ATP8A2: variants seen among roughly 807,000 people sequenced by gnomAD.
ATP8A2 encodes the protein ATPase phospholipid transporting 8A2.
Under a neutral mutation model 165.6 loss-of-function variants are expected in ATP8A2, and 100 were observed. The observed-to-expected ratio is 0.60, with a 90% confidence interval of 0.51 to 0.71. ATP8A2 has a LOEUF of 0.71. Among genes scored for constraint, ATP8A2 ranks in the 30% least tolerant of loss-of-function variants. The pLI is 0.00. For missense variants in ATP8A2, 1,227 were observed against 1,479.5 expected, an observed-to-expected ratio of 0.83 and a Z score of 2.80; for synonymous variants, 543 against 548.8, an observed-to-expected ratio of 0.99 and a Z score of 0.15.
intron 24 of ATP8A2, among the ~76,000 whole-genome samples, chr13:25,619,108 A>G (rs2040903403): frequency 6.6e-6 from 1 of 152,140 alleles, no homozygotes; most frequent in Non-Finnish European, 1.5e-5. Flanking sequence ...GAGAGCAGGA[A>G]CTCAGAGAGG....
intron 35 of ATP8A2, 137 bp downstream of exon 35, chr13:25,968,816 C>G (rs1052795734): frequency 2.9e-6 from 2 of 679,372 alleles, no homozygotes; most frequent in Non-Finnish European, 5.1e-6. Context: ...TTTGGTTATT[C>G]TCAGATTTAA....
intron 25 of ATP8A2, among the ~76,000 whole-genome samples, chr13:25,725,096 ATGCTGGG>A (rs2043464539): frequency 1.3e-5 from 2 of 152,224 alleles, no homozygotes; most frequent in African/African-American, 4.8e-5. Flanking sequence ...GCTGTGATAA[ATGCTGGG>A]TTCTCCATTA....
chr13:25,709,204 T>G (rs2043111951), intron 25 of ATP8A2, among the ~76,000 whole-genome samples: 1 of 152,194 alleles, frequency 6.6e-6, no homozygotes. Context: ...AGCATGCATT[T>G]TTTTCTCTTA....
chr13:25,422,413 T>G (rs1360835657), intron 1 of ATP8A2, among the ~76,000 whole-genome samples: 1 of 152,206 alleles, frequency 6.6e-6, no homozygotes, highest in Non-Finnish European at 1.5e-5. Context: ...TAGAGATTTT[T>G]AAAAGGTCCC....
intron 24 of ATP8A2, among the ~76,000 whole-genome samples, chr13:25,650,978 G>A (rs7331707): frequency 0.09 from 13,613 of 152,080 alleles, 661 homozygotes; most frequent in Non-Finnish European, 0.12. Flanking sequence ...TTGGATTATG[G>A]TACCACAGTT....
intron 35 of ATP8A2, among the ~76,000 whole-genome samples, chr13:25,976,307 A>G (rs1411412907): frequency 6.6e-6 from 1 of 152,096 alleles, no homozygotes; most frequent in African/African-American, 2.4e-5. Context: ...TGATCCCCAC[A>G]TGCAGCAAAT....
chr13:25,573,194 TG>T (rs1446903997), intron 18 of ATP8A2, among the ~76,000 whole-genome samples: 1 of 152,180 alleles, frequency 6.6e-6, no homozygotes, highest in Non-Finnish European at 1.5e-5. Context: ...TTCAGTTGTG[TG>T]GGTGCCACCG....
intron 24 of ATP8A2, among the ~76,000 whole-genome samples, chr13:25,670,376 C>T (rs1255322102): frequency 1.3e-5 from 2 of 152,140 alleles, no homozygotes; most frequent in Non-Finnish European, 2.9e-5. Context: ...GTCTCTTGCC[C>T]TGGTGTTGAG....
intron 28 of ATP8A2, 93 bp from the exon 29 acceptor site, chr13:25,837,070 G>A: frequency 6.7e-7 from 1 of 1,488,046 alleles, no homozygotes; most frequent in Non-Finnish European, 9.1e-7. Context: ...GTTTGGACTT[G>A]ACTGGAAGTG....
chr13:25,569,286 C>A (rs980201373), intron 16 of ATP8A2, among the ~76,000 whole-genome samples: 1 of 152,144 alleles, frequency 6.6e-6, no homozygotes, highest in Admixed American at 6.5e-5. Flanking sequence ...CTTTTCTCTT[C>A]ATGATAAGAA....
intron 25 of ATP8A2, among the ~76,000 whole-genome samples, chr13:25,767,857 T>C (rs1220133234): frequency 6.6e-6 from 1 of 152,140 alleles, no homozygotes; most frequent in African/African-American, 2.4e-5. Flanking sequence ...CTTTCTCAAG[T>C]TGGTAGAATG....
chr13:25,784,796 C>T (rs1182897817), intron 27 of ATP8A2, among the ~76,000 whole-genome samples: 3 of 152,086 alleles, frequency 2.0e-5, no homozygotes, highest in East Asian at 2.0e-4. Flanking sequence ...GAAGGAGTCT[C>T]GCGCTGTCAC....
intron 1 of ATP8A2, among the ~76,000 whole-genome samples, chr13:25,412,602 G>C (rs2034000680): frequency 6.6e-6 from 1 of 152,196 alleles, no homozygotes; most frequent in African/African-American, 2.4e-5. Flanking sequence ...CAGGCTTCTT[G>C]GAAGACTTCT....
At chr13:25,751,024 C>T (rs10492427) in intron 25 of ATP8A2, among the ~76,000 whole-genome samples, 2,043 of 152,262 alleles carry the variant, frequency 0.013, 51 homozygotes, top group African/African-American at 0.047. Flanking sequence ...GCTAGTACTG[C>T]GTCTTTGGTG....
At chr13:25,675,831 G>T (rs1324001357) in intron 24 of ATP8A2, among the ~76,000 whole-genome samples, 1 of 151,380 alleles carries the variant, frequency 6.6e-6, no homozygotes, top group Non-Finnish European at 1.5e-5. Flanking sequence ...GGCTTTGCAT[G>T]TGAAAAAATG....
intron 24 of ATP8A2, among the ~76,000 whole-genome samples, chr13:25,611,535 G>T (rs901280755): frequency 1.3e-5 from 2 of 152,116 alleles, no homozygotes; most frequent in African/African-American, 2.4e-5. Context: ...TATGCTGTTG[G>T]ATTTGGTTAG....
At chr13:25,983,191 T>C (rs1350684022) in intron 35 of ATP8A2, among the ~76,000 whole-genome samples, 1 of 152,218 alleles carries the variant, frequency 6.6e-6, no homozygotes, top group African/African-American at 2.4e-5. Flanking sequence ...GCCTTCATGA[T>C]AGTGTCCACA....
At chr13:25,855,165 C>T (rs563050996) in intron 30 of ATP8A2, among the ~76,000 whole-genome samples, 13 of 151,784 alleles carry the variant, frequency 8.6e-5, no homozygotes, top group Admixed American at 2.0e-4. Flanking sequence ...GCAAGAGAAT[C>T]GCTTGAACCC....
intron 1 of ATP8A2, among the ~76,000 whole-genome samples, chr13:25,404,107 T>C (rs139420102): frequency 5.0e-4 from 76 of 152,232 alleles, no homozygotes; most frequent in African/African-American, 1.3e-3. Flanking sequence ...CATGGGCTGA[T>C]TGGTAAGTGC....
Sources: allele counts gnomAD v4.1 joint callset (sites outside exome capture counted in the v4.1 genomes callset), GRCh38; gene constraint gnomAD v4.1.1; transcripts MANE v1.5; gene names NCBI Gene and HGNC (gene_info 2026-07-23, HGNC 2026-07-21).